The following PEPD variants were observed in gnomAD, a reference collection of about 807,000 sequenced individuals.
PEPD encodes peptidase D.
A neutral mutation model predicts 60.7 loss-of-function variants in PEPD; 53 were observed. The observed-to-expected ratio is 0.87, with a 90% CI of 0.70 to 1.10. The LOEUF is 1.10. Among genes scored for constraint, PEPD ranks in the 50% least tolerant of loss-of-function variants. The pLI is 0.00. For missense variants in PEPD, 711 were observed against 711.9 expected (o/e 1.00, Z 0.01); for synonymous variants, 267 against 284.1 (o/e 0.94, Z 0.60).
chr19:33,408,135 A>G (rs1234174313), intron 11 of PEPD, among the ~76,000 whole-genome samples: 1 of 152,260 alleles, frequency 6.6e-6, no homozygotes, highest in African/African-American at 2.4e-5. Flanking sequence ...GGGCCTAGCC[A>G]GCCCCAAACC....
At chr19:33,489,943 A>G in intron 6 of PEPD, 53 bp downstream of exon 6, 1 of 999,268 alleles carries the variant, frequency 1.0e-6, no homozygotes, top group Non-Finnish European at 1.6e-6. Context: ...CCTGCTAGTG[A>G]AGGTGGGAGT....
In PEPD at chr19:33,391,340, G is replaced by C. The variant is rs907675249; in HGVS notation, c.1107C>G (p.Gly369=). The change falls in exon 13 of 15, where the codon GGC becomes GGG. Residue 369 remains glycine (G), a synonymous_variant. Transcript: ENST00000244137. ...CGTGCACGTCAATGCCCAGGAAGTGGCCAAGCCCGTGAGGCATAAACACGG... is the reference window on the plus strand; with the variant it reads ...CGTGCACGTCAATGCCCAGGAAGTGCCCAAGCCCGTGAGGCATAAACACGG... ...LGAVFMPHGL[G]HFLGIDVHDV... The C allele has an allele frequency of 6.2e-7, 1 of 1,611,496 alleles. No homozygotes were observed. The highest frequency in any genetic ancestry group is 1.7e-5 in the Admixed American group (1 of 59,876).
intron 9 of PEPD, among the ~76,000 whole-genome samples, chr19:33,458,863 CGT>C (rs1172410864): frequency 8.1e-5 from 2 of 24,798 alleles, no homozygotes; most frequent in African/African-American, 1.6e-4. Flanking sequence ...TATGGTGTGG[CGT>C]GTGTGTCATG....
chr19:33,512,666 C>G lies in PEPD; in HGVS notation c.128G>C (p.Gly43Ala). Residue 43 changes from glycine to alanine, a missense_variant, in exon 2 of 15, where the codon GGC becomes GCC. Physicochemically the swap from Gly to Ala is moderately conservative, Grantham distance 60 (BLOSUM62 0). Transcript: ENST00000244137. ...RLRKNPAVQAGSIVVLQGGEE... is the reference protein window; with the variant it reads ...RLRKNPAVQAASIVVLQGGEE... ...CCCGCCCTGCAGGACCACGATGGAG[C>G]CGGCCTGCACAGCAGGGTTCTTCCG... The G allele has an allele frequency of 6.2e-7, 1 of 1,613,972 alleles. No homozygotes were observed. The highest frequency in any genetic ancestry group is 8.5e-7 in the Non-Finnish European group (1 of 1,179,954).
chr19:33,415,766 G>A (rs9676618), intron 9 of PEPD, among the ~76,000 whole-genome samples: 10,242 of 152,256 alleles, frequency 0.067, 1,170 homozygotes, highest in African/African-American at 0.23. Flanking sequence ...CACCTTTGCC[G>A]GCCACGTTGA....
chr19:33,517,735 A>G (rs1286266066), intron 1 of PEPD, among the ~76,000 whole-genome samples: 2 of 151,728 alleles, frequency 1.3e-5, no homozygotes, highest in Admixed American at 1.3e-4. Context: ...GGGAGGCTGA[A>G]GTGGGTGGGT....
intron 11 of PEPD, among the ~76,000 whole-genome samples, chr19:33,405,751 G>C (rs1461691827): frequency 6.6e-6 from 1 of 152,248 alleles, no homozygotes; most frequent in African/African-American, 2.4e-5. Context: ...CCCGTGCCAT[G>C]GCCTAACCCA....
intron 13 of PEPD, among the ~76,000 whole-genome samples, chr19:33,390,417 T>C (rs1013999004): frequency 6.6e-6 from 1 of 152,266 alleles, no homozygotes; most frequent in Non-Finnish European, 1.5e-5. Flanking sequence ...TGAATAATAA[T>C]GCTTCTCTTA....
chr19:33,448,270 C>T (rs1444095679), intron 9 of PEPD, among the ~76,000 whole-genome samples: 1 of 152,316 alleles, frequency 6.6e-6, no homozygotes, highest in African/African-American at 2.4e-5. Context: ...ACTGCTCCTG[C>T]GGGGCTGCTC....
chr19:33,459,317 G>C (rs759225448), intron 9 of PEPD, among the ~76,000 whole-genome samples: 1 of 152,150 alleles, frequency 6.6e-6, no homozygotes, highest in Non-Finnish European at 1.5e-5. Flanking sequence ...AAGGTCTCAG[G>C]CTGTCATACA....
chr19:33,404,348 C>T (rs1968568112), intron 11 of PEPD, among the ~76,000 whole-genome samples: 1 of 152,106 alleles, frequency 6.6e-6, no homozygotes, highest in South Asian at 2.1e-4. Flanking sequence ...GACACGGATT[C>T]CTAGGAGGCG....
At chr19:33,398,133 C>T (rs1015012883) in intron 12 of PEPD, among the ~76,000 whole-genome samples, 3 of 152,218 alleles carry the variant, frequency 2.0e-5, no homozygotes, top group African/African-American at 2.4e-5. Flanking sequence ...TGCGTCAATC[C>T]GCCGCCCTGC....
At chr19:33,492,744 G>A (rs1229015694) in intron 5 of PEPD, among the ~76,000 whole-genome samples, 1 of 148,530 alleles carries the variant, frequency 6.7e-6, no homozygotes, top group Non-Finnish European at 1.5e-5. Context: ...CCTTAGGAGT[G>A]GGTGTGGCGC....
chr19:33,469,292 G>A (rs1224859981), intron 7 of PEPD, among the ~76,000 whole-genome samples: 1 of 152,158 alleles, frequency 6.6e-6, no homozygotes, highest in Non-Finnish European at 1.5e-5. Context: ...GGAGCACTGA[G>A]CACTGCCAGG....
chr19:33,389,433 T>TG (rs1459652551), intron 13 of PEPD, among the ~76,000 whole-genome samples: 5 of 151,252 alleles, frequency 3.3e-5, no homozygotes, highest in Admixed American at 6.7e-5. Flanking sequence ...CAGAAGCTGC[T>TG]GGGGGTCCCA....
intron 11 of PEPD, among the ~76,000 whole-genome samples, chr19:33,408,374 C>T (rs942299654): frequency 6.6e-6 from 1 of 152,354 alleles, no homozygotes; most frequent in African/African-American, 2.4e-5. Context: ...AGAGGGCCCA[C>T]GCTGTGCCAG....
chr19:33,460,857 G>A (rs889133128), intron 9 of PEPD, among the ~76,000 whole-genome samples: 8 of 152,154 alleles, frequency 5.3e-5, no homozygotes, highest in African/African-American at 1.7e-4. Context: ...CGCAGGAGGC[G>A]GCAGCAAGGC....
chr19:33,490,208 C>T, intron 5 of PEPD, 151 bp from the exon 6 acceptor site: 1 of 671,118 alleles, frequency 1.5e-6, no homozygotes, highest in Admixed American at 2.3e-5. Flanking sequence ...CAGGTAGCTC[C>T]AGGCCCGGCC....
intron 7 of PEPD, among the ~76,000 whole-genome samples, chr19:33,471,991 G>A (rs1568488607): frequency 2.0e-5 from 3 of 152,094 alleles, no homozygotes; most frequent in East Asian, 3.9e-4. Flanking sequence ...CAGGAACCCC[G>A]TCTCTACTAA....
Sources: gnomAD v4.1 joint callset for allele counts (sites outside exome capture counted in the v4.1 genomes callset) on GRCh38, gnomAD v4.1.1 for gene constraint, MANE v1.5 for transcripts, NCBI Gene and HGNC (gene_info 2026-07-23, HGNC 2026-07-21) for gene names.